Variants in CACNA2D4 observed in about 807,000 individuals in gnomAD.
CACNA2D4 encodes the protein calcium voltage-gated channel auxiliary subunit alpha2delta 4, also known as voltage-dependent calcium channel subunit alpha-2/delta-4.
In CACNA2D4, 157 loss-of-function variants were observed where a neutral mutation model predicts 163.8. That is an observed-to-expected ratio of 0.96 (90% CI 0.84 to 1.09). The LOEUF is 1.09. Ranked by LOEUF, CACNA2D4 falls within the 50% of genes least tolerant of loss-of-function variation. The pLI, the probability that CACNA2D4 is intolerant of heterozygous loss-of-function variation, is 0.00. For missense variants in CACNA2D4, 1,410 were observed against 1,479.9 expected (o/e 0.95, Z 0.78); for synonymous variants, 598 against 586.9 (o/e 1.02, Z -0.27).
chr12:1,831,652 C>T (rs968524561), intron 26 of CACNA2D4: 7 of 761,866 alleles, frequency 9.2e-6, no homozygotes, highest in South Asian at 9.0e-5. Context: ...GCGACCCTGC[C>T]TCTGTGCCAG....
At chr12:1,852,852 C>T (rs955534958) in intron 23 of CACNA2D4, among the ~76,000 whole-genome samples, 2 of 152,060 alleles carry the variant, frequency 1.3e-5, no homozygotes, top group African/African-American at 2.4e-5. Context: ...ACTTTCGAGG[C>T]GTATGACCTC....
intron 31 of CACNA2D4, 159 bp from the exon 32 acceptor site, chr12:1,800,597 T>TC (rs1863282611): frequency 3.1e-6 from 2 of 636,692 alleles, no homozygotes; most frequent in Admixed American, 2.5e-5. Context: ...GCACCCCCCA[T>TC]CCCCCCACCT....
intron 26 of CACNA2D4, among the ~76,000 whole-genome samples, chr12:1,815,537 C>T (rs1863847914): frequency 6.6e-6 from 1 of 151,030 alleles, no homozygotes. Flanking sequence ...TTTGATTTCT[C>T]ATTTATTGTC....
intron 26 of CACNA2D4, among the ~76,000 whole-genome samples, chr12:1,839,410 C>A (rs1261993786): frequency 1.3e-5 from 2 of 152,228 alleles, no homozygotes; most frequent in Non-Finnish European, 2.9e-5. Flanking sequence ...ACTCTGCAGG[C>A]ACGAAGAAAC....
chr12:1,875,263 G>A lies in CACNA2D4; in HGVS notation c.1794C>T (p.Asp598=), dbSNP rs1268572461. ...SVDLSEVEWE[D]QAESLRTAMI... ...TTTCCCCACTCACAGATTCAGCCTG[G>A]TCTTCCCACTCCACTTCGGAGAGAT... Residue 598 remains aspartate (D), a synonymous_variant, in exon 17 of 38, where the codon GAC becomes GAT. Transcript: ENST00000382722. This position sits in a 1 kb window ranked among gnomAD's most constrained non-coding sequence, Gnocchi z 4.0. 2 of 1,580,248 alleles carry A rather than the reference G, an allele frequency of 1.3e-6. No individual in the cohort carries two copies. The highest frequency in any genetic ancestry group is 2.3e-5 in the South Asian group (2 of 87,132).
intron 20 of CACNA2D4, 135 bp from the exon 21 acceptor site, chr12:1,856,364 A>C: frequency 1.1e-6 from 1 of 903,658 alleles, no homozygotes; most frequent in Non-Finnish European, 1.8e-6. Context: ...CTTAGCTCAC[A>C]GTAGGAGAAC....
Position 1,913,149 on chromosome 12 carries a change from G to A in CACNA2D4, c.310-10C>T. On this transcript the variant is annotated splice_polypyrimidine_tract_variant and intron_variant, in intron 2 of 37. Coordinates refer to ENST00000382722, the MANE Select transcript of CACNA2D4 (RefSeq NM_172364.5). Reference sequence around the variant, plus strand: ...CCACATCCTTGTACTTCTGTTTGGGGAAAGTGGGAGAGATGCGTGCATGTG... The same window carrying A: ...CCACATCCTTGTACTTCTGTTTGGGAAAAGTGGGAGAGATGCGTGCATGTG... 1 of 1,581,040 alleles carries A rather than the reference G, an allele frequency of 6.3e-7. No individual in the cohort carries two copies. The highest frequency in any genetic ancestry group is 8.7e-7 in the Non-Finnish European group (1 of 1,149,966).
chr12:1,832,858 T>A (rs1864692134), intron 26 of CACNA2D4, among the ~76,000 whole-genome samples: 1 of 152,238 alleles, frequency 6.6e-6, no homozygotes, highest in Non-Finnish European at 1.5e-5. Context: ...AATTAAATAA[T>A]TTTCACAAGA....
intron 18 of CACNA2D4, among the ~76,000 whole-genome samples, chr12:1,865,267 T>G (rs919596600): frequency 6.6e-6 from 1 of 152,226 alleles, no homozygotes; most frequent in Non-Finnish European, 1.5e-5. Flanking sequence ...GTCTCGCTGT[T>G]CGTGCGGACC....
At chr12:1,840,454 G>C (rs1254949054) in intron 26 of CACNA2D4, among the ~76,000 whole-genome samples, 1 of 136,530 alleles carries the variant, frequency 7.3e-6, no homozygotes, top group African/African-American at 2.6e-5. Flanking sequence ...GGGGGTGGGT[G>C]GGGGGCGGCG....
chr12:1,801,670 G>C lies in CACNA2D4; in HGVS notation c.2722-26C>G. The C allele has an allele frequency of 2.0e-6, 3 of 1,499,982 alleles. 1 individual carries two copies. The South Asian group carries it at 3.6e-5, about 18-fold the overall frequency. 92.9% of individuals were successfully genotyped at this position (1,499,982 alleles called of 1,614,324 possible). On this transcript the variant is annotated intron_variant, in intron 29 of 37. Coordinates refer to ENST00000382722, the MANE Select transcript of CACNA2D4 (RefSeq NM_172364.5). The stretch of plus-strand genomic sequence containing the variant: ...CTGTGAGAGAGGGACAGCAGAGAGA[G>C]AGGGAGGGAGAGAGATGGAGCAGGA...
intron 6 of CACNA2D4, among the ~76,000 whole-genome samples, chr12:1,888,399 C>T (rs1046498481): frequency 5.3e-5 from 8 of 152,140 alleles, no homozygotes; most frequent in African/African-American, 1.9e-4. Context: ...GCCTCACAAG[C>T]AAAGATTCCC....
intron 26 of CACNA2D4, chr12:1,831,562 G>A: frequency 6.5e-7 from 1 of 1,539,372 alleles, no homozygotes; most frequent in Non-Finnish European, 8.9e-7. Context: ...CCGAGGGATT[G>A]GGACGATCAC....
chr12:1,889,423 A>G (rs1866225301), intron 6 of CACNA2D4, among the ~76,000 whole-genome samples: 1 of 152,354 alleles, frequency 6.6e-6, no homozygotes, highest in Middle Eastern at 3.4e-3. Flanking sequence ...AGTCTAGAAT[A>G]AAGAGATGGA....
Position 1,917,715 on chromosome 12 carries a change from A to G in CACNA2D4, c.227+532T>C, listed in dbSNP as rs1187626052. 6.6e-6 allele frequency among the ~76,000 whole-genome samples: 1 copy of G among 152,194 alleles called. No individual in the cohort carries two copies. Reference sequence around the variant, plus strand: ...TTGGAAGGAGGCAGAAAGGTGTAGAAAGGGAAGACTGCGGCCACCAAAATC... The same window carrying G: ...TTGGAAGGAGGCAGAAAGGTGTAGAGAGGGAAGACTGCGGCCACCAAAATC... On this transcript the variant is annotated intron_variant, in intron 1 of 37. Coordinates refer to ENST00000382722, the MANE Select transcript of CACNA2D4 (RefSeq NM_172364.5). This position sits in a 1 kb window ranked among gnomAD's most constrained non-coding sequence, Gnocchi z 4.3.
chr12:1,803,952 C>T (rs1338848767), intron 29 of CACNA2D4, among the ~76,000 whole-genome samples: 2 of 152,102 alleles, frequency 1.3e-5, no homozygotes, highest in East Asian at 1.9e-4. Flanking sequence ...GACATGGCAG[C>T]GGGACAGCAG....
intron 23 of CACNA2D4, among the ~76,000 whole-genome samples, chr12:1,851,661 G>GTGTGTGTGTA (rs1865283097): frequency 1.2e-5 from 1 of 86,666 alleles, no homozygotes; most frequent in South Asian, 4.3e-4. Context: ...TTGTGTGTGT[G>GTGTGTGTGTA]TGTGTGTGTG....
intron 37 of CACNA2D4, among the ~76,000 whole-genome samples, chr12:1,794,672 G>A (rs1183247003): frequency 1.3e-5 from 2 of 152,204 alleles, no homozygotes; most frequent in Non-Finnish European, 2.9e-5. Context: ...GCGGCTGAGT[G>A]GAAGAGACAC....
chr12:1,838,950 C>T (rs1434545348), intron 26 of CACNA2D4, among the ~76,000 whole-genome samples: 3 of 152,228 alleles, frequency 2.0e-5, no homozygotes, highest in African/African-American at 7.2e-5. Flanking sequence ...CAAATCCCTT[C>T]CAAGTGCTGC....
Sources: gnomAD v4.1 joint callset for allele counts (sites outside exome capture counted in the v4.1 genomes callset) on GRCh38, gnomAD v4.1.1 for gene constraint, Gnocchi (gnomAD v3.1) non-coding constraint, MANE v1.5 for transcripts, NCBI Gene and HGNC (gene_info 2026-07-23, HGNC 2026-07-21) for gene names.